Variants in FHIP2B observed in about 807,000 individuals in gnomAD.
FHIP2B encodes FHF complex subunit HOOK interacting protein 2B, also known as FHF complex subunit HOOK-interacting protein 2B.
Under a neutral mutation model 84.0 loss-of-function variants are expected in FHIP2B, and 72 were observed. The observed-to-expected ratio is 0.86, with a 90% CI of 0.71 to 1.04. The LOEUF (loss-of-function observed/expected upper bound fraction) is 1.04, where lower values mean the gene tolerates loss of function less well. Among genes scored for constraint, FHIP2B ranks in the 50% least tolerant of loss-of-function variants. FHIP2B has a pLI of 0.00. For missense variants in FHIP2B, 972 were observed against 968.9 expected, an observed-to-expected ratio of 1.00 and a Z score of -0.04; for synonymous variants, 497 against 418.7, an observed-to-expected ratio of 1.19 and a Z score of -2.28.
chr8:22,094,641 G>C, intron 2 of FHIP2B, 123 bp downstream of exon 2: 1 of 1,531,006 alleles, frequency 6.5e-7, no homozygotes, highest in Non-Finnish European at 8.7e-7. Flanking sequence ...AATTGGAGCC[G>C]AGTTCACGGA....
rs547014170 is a variant in FHIP2B, at chr8:22,102,618, C to T, written c.2083C>T (p.Pro695Ser). Residue 695 changes from proline to serine, a missense_variant, in exon 16 of 17, where the codon CCT becomes TCT. Pro to Ser is a moderately conservative substitution (Grantham distance 74, BLOSUM62 -1). Transcript: ENST00000289921. ...LVRKQLTGQA[P>S]GEQLDHQTLL... ...GCGCAAGCAGTTGACGGGCCAGGCTCCTGGGGAGCAGTGAGTACCAAGGGT... is the reference window on the plus strand; with the variant it reads ...GCGCAAGCAGTTGACGGGCCAGGCTTCTGGGGAGCAGTGAGTACCAAGGGT... 3.8e-5 allele frequency: 59 copies of T among 1,562,980 alleles called. No individual in the cohort carries two copies. Among genetic ancestry groups the T allele is most frequent in the East Asian group, 1.7e-4 (7 of 41,836 alleles).
chr8:22,090,365 G>T (rs570592325), intron 1 of FHIP2B, among the ~76,000 whole-genome samples: 1 of 152,266 alleles, frequency 6.6e-6, no homozygotes, highest in Non-Finnish European at 1.5e-5. Flanking sequence ...TTTGCCTTAG[G>T]CAAAGTTGGG....
chr8:22,101,426 CT>C lies in FHIP2B; in HGVS notation c.1617-12del, dbSNP rs772161842. On this transcript the variant is annotated splice_polypyrimidine_tract_variant and intron_variant, in intron 12 of 16. Coordinates refer to ENST00000289921, the MANE Select transcript of FHIP2B (RefSeq NM_022749.7). Reference sequence around the variant, plus strand: ...TGAGCCGGGAGCGCCTCCACACCGGCTTCTATCTCTCAGTTTCCTGTGCCTG... The same window carrying C: ...TGAGCCGGGAGCGCCTCCACACCGGCTCTATCTCTCAGTTTCCTGTGCCTG... 289 of 1,598,934 alleles carry C rather than the reference CT, an allele frequency of 1.8e-4. 4 individuals are homozygous for C. In the South Asian group the frequency reaches 2.9e-3, roughly 16 times the overall value.
chr8:22,101,467 C>T lies in FHIP2B; in HGVS notation c.1644C>T (p.Ala548=), dbSNP rs1826108810. The change falls in exon 13 of 17, where the codon GCC becomes GCT. Residue 548 remains alanine (A), a synonymous_variant. Coordinates refer to ENST00000289921, the MANE Select transcript of FHIP2B (RefSeq NM_022749.7). The part of the protein sequence containing the change: ...NSFLCLVPEE[A]KTSAFLEETG... ...TCCTGTGCCTGGTCCCCGAGGAAGC[C>T]AAGACCTCTGCCTTCCTGGAGGAGA... 1 of 1,612,234 alleles carries T rather than the reference C, an allele frequency of 6.2e-7. No homozygotes were observed. Among genetic ancestry groups the T allele is most frequent in the Non-Finnish European group, 8.5e-7 (1 of 1,179,056 alleles).
chr8:22,100,064 CTTTTT>C (rs33935872), intron 10 of FHIP2B, 171 bp downstream of exon 10: 46 of 487,636 alleles, frequency 9.4e-5, no homozygotes, highest in East Asian at 1.2e-4. Flanking sequence ...TGATCATATA[CTTTTT>C]TTTTTTTTTT....
intron 1 of FHIP2B, among the ~76,000 whole-genome samples, chr8:22,093,263 T>G (rs1433829333): frequency 1.3e-5 from 2 of 152,186 alleles, no homozygotes; most frequent in Non-Finnish European, 2.9e-5. Context: ...GAGGGATGAT[T>G]AGAATTCTTT....
intron 15 of FHIP2B, 94 bp from the exon 16 acceptor site, chr8:22,102,434 A>G: frequency 3.9e-6 from 6 of 1,526,794 alleles, no homozygotes; most frequent in Non-Finnish European, 5.3e-6. Context: ...TGCCAGGGAA[A>G]GCACAGTCTC....
intron 1 of FHIP2B, chr8:22,089,941 C>T (rs546402053): frequency 3.3e-6 from 3 of 913,532 alleles, no homozygotes; most frequent in African/African-American, 1.7e-5. Context: ...GCTGTGACCC[C>T]TCACAAGCCA....
Position 22,101,503 on chromosome 8 carries a change from CACAT to C in FHIP2B, c.1683_1686del (p.Tyr562SerfsTer22). ...CCTTCCTGGAGGAGACAGGCTATGACACATACGTCCACGATGCTTATGGCCTGGT... is the reference window on the plus strand; with the variant it reads ...CCTTCCTGGAGGAGACAGGCTATGACACGTCCACGATGCTTATGGCCTGGT... On this transcript the variant is annotated frameshift_variant, in exon 13 of 17. Transcript: ENST00000289921. LOFTEE classifies it high-confidence loss of function. 1 of 1,612,698 alleles carries C rather than the reference CACAT, an allele frequency of 6.2e-7. No individual in the cohort carries two copies. Among genetic ancestry groups the C allele is most frequent in the Non-Finnish European group, 8.5e-7 (1 of 1,179,126 alleles).
chr8:22,101,356 C>T, intron 12 of FHIP2B, 84 bp from the exon 13 acceptor site: 1 of 1,147,414 alleles, frequency 8.7e-7, no homozygotes, highest in Non-Finnish European at 1.3e-6. Context: ...CCCTGGGGTC[C>T]AGTCAGGGAG....
In FHIP2B at chr8:22,097,692, T is replaced by C. The variant is rs1442870022; in HGVS notation, c.403-25T>C. On this transcript the variant is annotated intron_variant, in intron 4 of 16. Transcript: ENST00000289921. ...TCTCCCCTGCCACCCCTCTCCCCTCTGTTTCTGTCCTGGTGCTCTTCCAGA... is the reference window on the plus strand; with the variant it reads ...TCTCCCCTGCCACCCCTCTCCCCTCCGTTTCTGTCCTGGTGCTCTTCCAGA... 2.5e-6 allele frequency: 4 copies of C among 1,611,386 alleles called. No homozygotes were observed. The African/African-American group carries it at 5.3e-5, about 22-fold the overall frequency.
At chr8:22,096,920 T>A (rs534686979) in intron 3 of FHIP2B, 3 of 172,930 alleles carry the variant, frequency 1.7e-5, no homozygotes, top group African/African-American at 7.2e-5. Context: ...GATGCGTGCC[T>A]GTAGCCCCAG....
In FHIP2B at chr8:22,099,303, C is replaced by T. The variant is rs763205691; in HGVS notation, c.1094C>T (p.Ala365Val). Residue 365 changes from alanine to valine, a missense_variant, in exon 9 of 17, where the codon GCG (alanine) becomes GTG (valine). Ala to Val is a moderately conservative substitution (Grantham distance 64). Coordinates refer to ENST00000289921, the MANE Select transcript of FHIP2B (RefSeq NM_022749.7). ...EAHTVVADAL[A>V]KAVAENFFVE... Reference sequence around the variant, plus strand: ...ACCCAGGTGGTTGCGGACGCCTTGGCGAAGGCTGTGGCTGAGAACTTCTTC... The same window carrying T: ...ACCCAGGTGGTTGCGGACGCCTTGGTGAAGGCTGTGGCTGAGAACTTCTTC... The T allele has an allele frequency of 9.9e-6, 16 of 1,613,710 alleles. No homozygotes were observed. The East Asian group carries it at 1.3e-4, about 13-fold the overall frequency.
intron 1 of FHIP2B, among the ~76,000 whole-genome samples, chr8:22,090,377 A>C (rs1190376613): frequency 6.6e-6 from 1 of 152,222 alleles, no homozygotes; most frequent in Non-Finnish European, 1.5e-5. Flanking sequence ...AAAGTTGGGA[A>C]GAAAGTCAGA....
At chr8:22,096,280 T>C in intron 2 of FHIP2B, 57 bp from the exon 3 acceptor site, 1 of 1,446,150 alleles carries the variant, frequency 6.9e-7, no homozygotes, top group Non-Finnish European at 9.2e-7. Flanking sequence ...GGGTGAAGTT[T>C]TCAAGCCGGG....
Position 22,103,276 on chromosome 8 carries a change from C to A in FHIP2B, c.*345C>A. On this transcript the variant is annotated 3_prime_UTR_variant, in exon 17 of 17. Transcript: ENST00000289921. ...GGCCAGGGCCAAGCCTGTGACTCAA[C>A]TCCAGGGGCAAGATGGGGAGTGAGC... 2.9e-5 allele frequency: 7 copies of A among 245,422 alleles called. No individual in the cohort carries two copies. In the South Asian group the frequency reaches 5.4e-4, roughly 19 times the overall value. The allele number at this position is 245,422 out of a possible 1,614,324, so 15.2% of individuals were successfully genotyped here.
chr8:22,094,563 G>A, intron 2 of FHIP2B, 45 bp downstream of exon 2: 1 of 1,606,748 alleles, frequency 6.2e-7, no homozygotes, highest in Non-Finnish European at 8.5e-7. Flanking sequence ...GAGGGAGCGG[G>A]GAGGAAGGAG....
rs763914718 is a variant in FHIP2B, at chr8:22,099,777, C to T, written c.1225C>T (p.Leu409=). The change falls in exon 10 of 17, where the codon CTG becomes TTG. Residue 409 remains leucine (L), a synonymous_variant. Coordinates refer to ENST00000289921, the MANE Select transcript of FHIP2B (RefSeq NM_022749.7). Reference sequence around the variant, plus strand: ...GCGCCAGCTTCGCTCCCCTGCGCTGCTGCGGGAGGCCGTGGCTTTCCTCCT... The same window carrying T: ...GCGCCAGCTTCGCTCCCCTGCGCTGTTGCGGGAGGCCGTGGCTTTCCTCCT... ...MLRQLRSPAL[L]REAVAFLLGT... is the part of the protein sequence containing the mutation. 82 of 1,612,228 alleles carry T rather than the reference C, an allele frequency of 5.1e-5. No individual in the cohort carries two copies. The East Asian group carries it at 6.0e-4, about 12-fold the overall frequency.
At chr8:22,101,104 C>T in intron 12 of FHIP2B, 132 bp downstream of exon 12, 1 of 1,236,396 alleles carries the variant, frequency 8.1e-7, no homozygotes. Flanking sequence ...CAACCTCCAC[C>T]TCCCGGGTTC....
Sources: allele counts gnomAD v4.1 joint callset (sites outside exome capture counted in the v4.1 genomes callset), GRCh38; gene constraint gnomAD v4.1.1; transcripts MANE v1.5; gene names NCBI Gene and HGNC (gene_info 2026-07-23, HGNC 2026-07-21).